ADAMTS20: variants seen among roughly 807,000 people sequenced by gnomAD.
ADAMTS20 encodes ADAM metallopeptidase with thrombospondin type 1 motif 20.
A neutral mutation model predicts 260.1 loss-of-function variants in ADAMTS20; 225 were observed. The observed-to-expected ratio is 0.87, with a 90% CI of 0.78 to 0.97. The LOEUF is 0.97. Among genes scored for constraint, ADAMTS20 ranks in the 50% least tolerant of loss-of-function variants. The probability of loss-of-function intolerance (pLI) is 0.00; values close to 1 mark genes in which losing one functional copy is unlikely to be tolerated. For synonymous variants in ADAMTS20, 802 were observed against 769.5 expected, an observed-to-expected ratio of 1.04 and a Z score of -0.70; for missense variants, 2,400 against 2,337.7, an observed-to-expected ratio of 1.03 and a Z score of -0.55.
chr12:43,463,663 T>G (rs548016827), intron 10 of ADAMTS20, among the ~76,000 whole-genome samples: 1 of 152,306 alleles, frequency 6.6e-6, no homozygotes, highest in African/African-American at 2.4e-5. Flanking sequence ...AAAGGCTTAT[T>G]GAAATTTAAG....
intron 28 of ADAMTS20, among the ~76,000 whole-genome samples, chr12:43,402,290 T>C (rs557425440): frequency 8.5e-5 from 13 of 152,132 alleles, no homozygotes; most frequent in Non-Finnish European, 1.2e-4. Flanking sequence ...TTAAAAATTT[T>C]AAATTCCATG....
chr12:43,447,193 A>C (rs1405407505), intron 14 of ADAMTS20, among the ~76,000 whole-genome samples: 1 of 151,940 alleles, frequency 6.6e-6, no homozygotes, highest in Non-Finnish European at 1.5e-5. Context: ...CAAAAAAAAA[A>C]GAAAATTTTA....
intron 11 of ADAMTS20, among the ~76,000 whole-genome samples, chr12:43,462,225 C>T (rs1942076343): frequency 6.6e-6 from 1 of 152,184 alleles, no homozygotes; most frequent in Non-Finnish European, 1.5e-5. Context: ...TCCTTTTACA[C>T]TGAGGGAGCT....
At chr12:43,427,589 T>G in intron 26 of ADAMTS20, 120 bp from the exon 27 acceptor site, 3 of 895,102 alleles carry the variant, frequency 3.4e-6, no homozygotes, top group South Asian at 2.6e-5. Flanking sequence ...TAGAATCTCC[T>G]TCATTGGAAT....
At chr12:43,477,510 AC>A (rs1369507366) in intron 7 of ADAMTS20, among the ~76,000 whole-genome samples, 1 of 152,104 alleles carries the variant, frequency 6.6e-6, no homozygotes, top group African/African-American at 2.4e-5. Flanking sequence ...TTTCCAAAGA[AC>A]CCCTTAACAT....
chr12:43,551,414 C>T lies in ADAMTS20; in HGVS notation c.92-144G>A, dbSNP rs899526977. The T allele has an allele frequency of 1.7e-6, 2 of 1,188,254 alleles. No individual in the cohort carries two copies. The highest frequency in any genetic ancestry group is 1.6e-5 in the South Asian group (1 of 62,928). 73.6% of individuals were successfully genotyped at this position (1,188,254 alleles called of 1,614,324 possible). ...ACAAATGCACACATGCTGATGCGCA[C>T]GCACACACACACACGTGCACTGGGA... On this transcript the variant is annotated intron_variant, in intron 1 of 38. Transcript: ENST00000389420. The surrounding 1 kb of genome is among the most constrained non-coding windows in gnomAD (Gnocchi z 4.6).
chr12:43,360,912 A>G (rs1156490140), intron 37 of ADAMTS20, among the ~76,000 whole-genome samples: 1 of 152,236 alleles, frequency 6.6e-6, no homozygotes, highest in Non-Finnish European at 1.5e-5. Context: ...ACCCACTGAC[A>G]TTAGCCGAAT....
intron 7 of ADAMTS20, among the ~76,000 whole-genome samples, chr12:43,489,138 G>C (rs1331774235): frequency 1.3e-5 from 2 of 149,476 alleles, no homozygotes; most frequent in African/African-American, 5.1e-5. Flanking sequence ...CAATGGATTA[G>C]AGATTTAAAT....
chr12:43,399,517 G>C (rs748531908), intron 28 of ADAMTS20, among the ~76,000 whole-genome samples: 2 of 152,046 alleles, frequency 1.3e-5, no homozygotes, highest in Admixed American at 6.6e-5. Context: ...ACACAACAAT[G>C]CTTCAAATCT....
At chr12:43,440,944 A>G (rs1941652425) in intron 16 of ADAMTS20, among the ~76,000 whole-genome samples, 1 of 152,038 alleles carries the variant, frequency 6.6e-6, no homozygotes, top group African/African-American at 2.4e-5. Context: ...GGGCGCCTGT[A>G]GTCCCAGCTA....
intron 7 of ADAMTS20, among the ~76,000 whole-genome samples, chr12:43,480,236 A>G (rs1942420738): frequency 6.6e-6 from 1 of 152,150 alleles, no homozygotes; most frequent in Non-Finnish European, 1.5e-5. Flanking sequence ...TTAGAAAACT[A>G]CACTAAAAGA....
At chr12:43,471,204 C>G (rs556326046) in intron 7 of ADAMTS20, among the ~76,000 whole-genome samples, 1 of 152,086 alleles carries the variant, frequency 6.6e-6, no homozygotes, top group African/African-American at 2.4e-5. Flanking sequence ...GTTCCCTTTC[C>G]GAGTCAAAGA....
chr12:43,396,801 G>C (rs7302162), intron 29 of ADAMTS20, among the ~76,000 whole-genome samples: 2 of 152,044 alleles, frequency 1.3e-5, no homozygotes, highest in Non-Finnish European at 2.9e-5. Flanking sequence ...TGTGGAGCTG[G>C]AGGTTCAGAG....
chr12:43,440,640 C>A (rs1941644836), intron 16 of ADAMTS20, among the ~76,000 whole-genome samples: 1 of 152,092 alleles, frequency 6.6e-6, no homozygotes, highest in African/African-American at 2.4e-5. Flanking sequence ...CATCTTCTTT[C>A]ATGATGTATG....
intron 24 of ADAMTS20, 88 bp downstream of exon 24, chr12:43,429,529 T>C: frequency 1.1e-6 from 1 of 885,418 alleles, no homozygotes; most frequent in Admixed American, 2.8e-5. Flanking sequence ...AATAAATGTA[T>C]ACATTGTGAA....
At chr12:43,361,512 G>T (rs1257388855) in intron 37 of ADAMTS20, among the ~76,000 whole-genome samples, 2 of 152,208 alleles carry the variant, frequency 1.3e-5, no homozygotes, top group African/African-American at 4.8e-5. Context: ...CGCCCCAGTG[G>T]GCAGGAAGAG....
intron 31 of ADAMTS20, among the ~76,000 whole-genome samples, chr12:43,382,927 A>T (rs942649518): frequency 6.6e-6 from 1 of 152,182 alleles, no homozygotes; most frequent in Non-Finnish European, 1.5e-5. Flanking sequence ...AAAAGAAAAA[A>T]CTATTGATAC....
rs905168452 is a variant in ADAMTS20, at chr12:43,513,853, T to C, written c.614-11448A>G. Among the ~76,000 whole-genome samples the C allele has an allele frequency of 8.3e-5, 12 of 144,890 alleles. No individual in the cohort carries two copies. The East Asian group carries it at 1.9e-3, about 23-fold the overall frequency. On this transcript the variant is annotated intron_variant, in intron 3 of 38. Transcript: ENST00000389420. ...GCATGTTCTCACTCATAGGTAGGAA[T>C]TGAACAATGAGAACACATAGACACA...
At chr12:43,523,031 T>G (rs2137485419) in intron 3 of ADAMTS20, among the ~76,000 whole-genome samples, 1 of 152,316 alleles carries the variant, frequency 6.6e-6, no homozygotes, top group South Asian at 2.1e-4. Context: ...TCACTTCATC[T>G]TATGTGCTAA....
Sources: allele counts gnomAD v4.1 joint callset (sites outside exome capture counted in the v4.1 genomes callset), GRCh38; gene constraint gnomAD v4.1.1; non-coding constraint Gnocchi (gnomAD v3.1); transcripts MANE v1.5; gene names NCBI Gene and HGNC (gene_info 2026-07-23, HGNC 2026-07-21).